ZBTB49: variants seen among roughly 807,000 people sequenced by gnomAD.
ZBTB49 encodes the protein zinc finger and BTB domain-containing protein 49.
A neutral mutation model predicts 57.5 loss-of-function variants in ZBTB49; 43 were observed. The observed-to-expected ratio is 0.75, with a 90% CI of 0.59 to 0.97. The LOEUF is 0.97. ZBTB49 is among the 50% of genes least tolerant of loss of function. The pLI is 0.00. For missense variants in ZBTB49, 938 were observed against 947.7 expected (o/e 0.99, Z 0.13); for synonymous variants, 369 against 362.1 (o/e 1.02, Z -0.22).
chr4:4,305,991 A>T, intron 3 of ZBTB49, 147 bp from the exon 4 acceptor site: 1 of 609,130 alleles, frequency 1.6e-6, no homozygotes, highest in Non-Finnish European at 2.9e-6. Flanking sequence ...AGAGAGAAAT[A>T]TAAGGAAGTA....
chr4:4,316,396 C>T (rs151319061), intron 7 of ZBTB49, among the ~76,000 whole-genome samples: 110 of 152,280 alleles, frequency 7.2e-4, no homozygotes, highest in Non-Finnish European at 1.4e-3. Context: ...TTCTCGTGGG[C>T]ACTTGATGCT....
intron 7 of ZBTB49, among the ~76,000 whole-genome samples, chr4:4,318,130 C>T (rs1267301440): frequency 1.3e-5 from 2 of 152,042 alleles, no homozygotes; most frequent in Admixed American, 6.6e-5. Flanking sequence ...GCCCTCCTCG[C>T]GATGGGACAC....
intron 7 of ZBTB49, among the ~76,000 whole-genome samples, chr4:4,318,660 A>G (rs920475856): frequency 6.6e-5 from 10 of 152,216 alleles, no homozygotes; most frequent in African/African-American, 1.7e-4. Context: ...TAGAGCAGCA[A>G]ACAGTTGGAA....
At position 4,320,864 on chromosome 4, in the gene ZBTB49, T is replaced by A; in HGVS notation, c.1846T>A (p.Ser616Thr). The change falls in exon 8 of 8, where the codon TCT becomes ACT. Residue 616 changes from serine to threonine, a missense_variant. Physicochemically the swap from Ser to Thr is moderately conservative, Grantham distance 58. Transcript: ENST00000337872. The stretch of plus-strand genomic sequence containing the variant: ...CCTCGAGAAATCTCAGAGCTCAGAC[T>A]CTTTCTCCCAAGACACGTCTGTGAC... ...SDLEKSQSSD[S>T]FSQDTSVTLM... 6.2e-7 allele frequency: 1 copy of A among 1,614,202 alleles called. No individual in the cohort carries two copies. Among genetic ancestry groups the A allele is most frequent in the Non-Finnish European group, 8.5e-7 (1 of 1,180,036 alleles).
chr4:4,292,387 C>G (rs764675422), intron 1 of ZBTB49, among the ~76,000 whole-genome samples: 1 of 152,222 alleles, frequency 6.6e-6, no homozygotes, highest in Non-Finnish European at 1.5e-5. Context: ...TGTTTGCCAT[C>G]GTACCTTCAG....
At chr4:4,291,723 C>T (rs1719932548) in intron 1 of ZBTB49, among the ~76,000 whole-genome samples, 1 of 152,118 alleles carries the variant, frequency 6.6e-6, no homozygotes, top group Admixed American at 6.5e-5. Context: ...GAAAGTGAGC[C>T]CTCTCATTTT....
At chr4:4,297,613 C>G (rs1720271615) in intron 1 of ZBTB49, among the ~76,000 whole-genome samples, 1 of 151,962 alleles carries the variant, frequency 6.6e-6, no homozygotes, top group Non-Finnish European at 1.5e-5. Context: ...AGCAAAACCC[C>G]ATCTCTGCAA....
At chr4:4,306,720 G>C (rs1720750373) in intron 4 of ZBTB49, among the ~76,000 whole-genome samples, 1 of 152,346 alleles carries the variant, frequency 6.6e-6, no homozygotes, top group African/African-American at 2.4e-5. Flanking sequence ...GCTGTGCTGG[G>C]CATGGGACAC....
intron 1 of ZBTB49, among the ~76,000 whole-genome samples, chr4:4,296,042 T>A (rs909306595): frequency 1.3e-5 from 2 of 152,066 alleles, no homozygotes; most frequent in African/African-American, 4.8e-5. Context: ...AGGAGAGGGC[T>A]ATGGTGCTGC....
At chr4:4,299,776 G>GTTGTGT (rs1553803868) in intron 1 of ZBTB49, among the ~76,000 whole-genome samples, 151 bp from the exon 2 acceptor site, 18,467 of 103,352 alleles carry the variant, frequency 0.18, 1,333 homozygotes, top group Non-Finnish European at 0.27. Context: ...CAGAAACAGA[G>GTTGTGT]GTGTGTGTGT....
chr4:4,300,497 G>A (rs1324419069), intron 2 of ZBTB49, among the ~76,000 whole-genome samples: 2 of 151,604 alleles, frequency 1.3e-5, no homozygotes, highest in African/African-American at 4.8e-5. Context: ...ATTTGGTGTT[G>A]GATTTTTCTT....
chr4:4,299,849 A>C (rs144437900), intron 1 of ZBTB49, 78 bp from the exon 2 acceptor site: 2 of 1,317,368 alleles, frequency 1.5e-6, no homozygotes, highest in South Asian at 1.3e-5. Flanking sequence ...GCACAGATCA[A>C]TCAGTAAGTT....
chr4:4,302,503 C>T lies in ZBTB49; in HGVS notation c.667C>T (p.Gln223Ter), dbSNP rs1157300436. Residue 223 changes from glutamine (Q) to a stop codon, truncating the protein, a stop_gained, in exon 3 of 8, where the codon CAG becomes TAG. Transcript: ENST00000337872. LOFTEE classifies it high-confidence loss of function. ...CAAACTCAGAAACTTTTACAGTAAG[C>T]AGTACCATAAACACGCAGCTGGTCC... ...YYKLRNFYSK[Q>*]YHKHAAGPSQ... 1 of 1,614,066 alleles carries T rather than the reference C, an allele frequency of 6.2e-7. No individual in the cohort carries two copies. Among genetic ancestry groups the T allele is most frequent in the Admixed American group, 1.7e-5 (1 of 60,008 alleles).
At position 4,318,806 on chromosome 4, in the gene ZBTB49, A is replaced by G. The variant is rs540994423; in HGVS notation, c.1622-1834A>G. ...TTCTGTGAAGGAGCCTGAGCCTTAC[A>G]TTGTGGACAAAACACAGACATGAAA... On this transcript the variant is annotated intron_variant, in intron 7 of 7. Transcript: ENST00000337872. 2.6e-5 allele frequency among the ~76,000 whole-genome samples: 4 copies of G among 151,838 alleles called. No homozygotes were observed. The East Asian group carries it at 7.7e-4, about 29-fold the overall frequency.
chr4:4,320,306 C>G (rs1721352892), intron 7 of ZBTB49, among the ~76,000 whole-genome samples: 1 of 152,164 alleles, frequency 6.6e-6, no homozygotes, highest in Admixed American at 6.5e-5. Context: ...GAAGCACCTC[C>G]CACAGGAATG....
chr4:4,321,323 G>A lies in ZBTB49; in HGVS notation c.*7G>A, dbSNP rs761149403. 5.2e-5 allele frequency: 84 copies of A among 1,606,682 alleles called. No homozygotes were observed. The highest frequency in any genetic ancestry group is 1.3e-4 in the Admixed American group (8 of 59,946). ...AAACGAGTTAGACCAGTGATGTACC[G>A]CGCTTCTCCACGGTAGAGGCGTGTT... is the stretch of plus-strand genomic sequence containing the variant. On this transcript the variant is annotated 3_prime_UTR_variant, in exon 8 of 8. Transcript: ENST00000337872.
Position 4,302,425 on chromosome 4 carries a change from A to T in ZBTB49, c.589A>T (p.Thr197Ser), listed in dbSNP as rs746428692. The change falls in exon 3 of 8, where the codon ACT becomes TCT. Residue 197 changes from threonine (T) to serine (S), a missense_variant. Physicochemically the swap from Thr to Ser is moderately conservative, Grantham distance 58 (BLOSUM62 1). This residue lies in a region of ZBTB49 where 835 missense variants were observed against 819.1 expected (regional missense o/e 1.02). Transcript: ENST00000337872. The part of the protein sequence containing the change: ...AGEISKQAPD[T>S]SDGSCTELPF... ...TGAAATCTCAAAACAAGCTCCTGATACTTCAGATGGCAGCTGCACAGAACT... is the reference window on the plus strand; with the variant it reads ...TGAAATCTCAAAACAAGCTCCTGATTCTTCAGATGGCAGCTGCACAGAACT... 6.2e-7 allele frequency: 1 copy of T among 1,614,210 alleles called. No individual in the cohort carries two copies.
In ZBTB49 at chr4:4,315,899, A is replaced by T; in HGVS notation, c.1550A>T (p.Asn517Ile). 3 of 1,614,204 alleles carry T rather than the reference A, an allele frequency of 1.9e-6. No homozygotes were observed. The highest frequency in any genetic ancestry group is 2.5e-6 in the Non-Finnish European group (3 of 1,180,036). ...FTCDECGKSF[N>I]MQRKLVKHRI... ...TGTGATGAGTGTGGAAAGTCTTTTA[A>T]TATGCAAAGGAAGTTAGTAAAGCAC... is the stretch of plus-strand genomic sequence containing the variant. The change falls in exon 7 of 8, where the codon AAT (asparagine) becomes ATT (isoleucine). Residue 517 changes from asparagine (N) to isoleucine (I), a missense_variant. This residue lies in a region of ZBTB49 where 835 missense variants were observed against 819.1 expected (regional missense o/e 1.02). Transcript: ENST00000337872.
intron 5 of ZBTB49, among the ~76,000 whole-genome samples, chr4:4,314,018 G>T (rs563296637): frequency 2.0e-5 from 3 of 152,358 alleles, no homozygotes; most frequent in African/African-American, 7.2e-5. Context: ...TAGTCACGGG[G>T]TCAGTTAGAA....
Sources: gnomAD v4.1 joint callset for allele counts (sites outside exome capture counted in the v4.1 genomes callset) on GRCh38, gnomAD v4.1.1 for gene constraint, gnomAD v4.1.1 regional missense constraint, MANE v1.5 for transcripts, NCBI Gene and HGNC (gene_info 2026-07-23, HGNC 2026-07-21) for gene names.